Variants in BTAF1 observed in about 807,000 individuals in gnomAD.
BTAF1 encodes the protein B-TFIID TATA-box binding protein associated factor 1.
BTAF1 carries 38 observed loss-of-function variants against 227.1 expected under a neutral mutation model. The observed-to-expected ratio is 0.17, with a 90% CI of 0.13 to 0.22. The LOEUF (loss-of-function observed/expected upper bound fraction) is 0.22, where lower values mean the gene tolerates loss of function less well. BTAF1 is among the 10% of genes least tolerant of loss of function. BTAF1 has a pLI of 1.00. For missense variants in BTAF1, 1,598 were observed against 2,204.0 expected (o/e 0.73, Z 5.51); for synonymous variants, 742 against 751.9 (o/e 0.99, Z 0.21).
chr10:92,025,091 C>A, intron 35 of BTAF1, 124 bp downstream of exon 35: 2 of 786,924 alleles, frequency 2.5e-6, no homozygotes, highest in Non-Finnish European at 4.0e-6. Context: ...GTGTAATTCA[C>A]CCCAAATAAA....
At chr10:91,925,158 G>C (rs1843741296) in intron 1 of BTAF1, among the ~76,000 whole-genome samples, 1 of 152,060 alleles carries the variant, frequency 6.6e-6, no homozygotes, top group African/African-American at 2.4e-5. Context: ...TGGGTGAAGG[G>C]GGTTGCTAGG....
At chr10:92,017,832 A>G (rs1387541918) in intron 33 of BTAF1, among the ~76,000 whole-genome samples, 3 of 152,166 alleles carry the variant, frequency 2.0e-5, no homozygotes, top group African/African-American at 4.8e-5. Flanking sequence ...TTTTAATCCT[A>G]GTGCTCAGCA....
intron 20 of BTAF1, among the ~76,000 whole-genome samples, chr10:91,991,781 G>A (rs1371670950): frequency 7.7e-5 from 5 of 65,040 alleles, no homozygotes; most frequent in Admixed American, 1.2e-4. Flanking sequence ...ATATATGTGT[G>A]TGTGTGTGTG....
chr10:91,963,163 A>G (rs1846642813), intron 12 of BTAF1, among the ~76,000 whole-genome samples: 1 of 151,940 alleles, frequency 6.6e-6, no homozygotes, highest in Non-Finnish European at 1.5e-5. Flanking sequence ...GCCAGAGTGC[A>G]GTGGATGACA....
In BTAF1 at chr10:91,997,923, A is replaced by C. The variant is rs111405494; in HGVS notation, c.3660+172A>C. Among the ~76,000 whole-genome samples, 1,054 of 152,286 alleles carry C rather than the reference A, an allele frequency of 6.9e-3. 11 individuals carry two copies. Among genetic ancestry groups the C allele is most frequent in the African/African-American group, 0.024 (994 of 41,560 alleles). On this transcript the variant is annotated intron_variant, in intron 25 of 37. Transcript: ENST00000265990. ...CAGGAGTTTGAGTCCAGCCTGGCCA[A>C]CATGGGTGAAACCCTGTCTCTACTA... is the stretch of plus-strand genomic sequence containing the variant.
In BTAF1 at chr10:91,999,262, AAAT is replaced by A. The variant is rs1849343445; in HGVS notation, c.3660+1515_3660+1517del. On this transcript the variant is annotated intron_variant, in intron 25 of 37. Transcript: ENST00000265990. ...GTATCATTTGACATTCCTACCAGCA[AAAT>A]AATGAGTTATAAATAGGATAGCCTC... Among the ~76,000 whole-genome samples, 3 of 152,310 alleles carry A rather than the reference AAAT, an allele frequency of 2.0e-5. No individual in the cohort carries two copies. The South Asian group carries it at 6.2e-4, about 32-fold the overall frequency.
At chr10:91,940,825 C>T (rs1364439083) in intron 3 of BTAF1, among the ~76,000 whole-genome samples, 1 of 152,092 alleles carries the variant, frequency 6.6e-6, no homozygotes, top group African/African-American at 2.4e-5. Flanking sequence ...GCTGCGATTA[C>T]AGTTGTGCAC....
At chr10:91,994,712 G>C in intron 23 of BTAF1, 68 bp downstream of exon 23, 3 of 1,336,556 alleles carry the variant, frequency 2.2e-6, no homozygotes, top group Non-Finnish European at 3.2e-6. Context: ...AAGTCTTAAG[G>C]TTTGAAAGGT....
chr10:91,945,756 A>G (rs917861557), intron 4 of BTAF1, among the ~76,000 whole-genome samples: 1 of 152,228 alleles, frequency 6.6e-6, no homozygotes, highest in African/African-American at 2.4e-5. Flanking sequence ...GGATGTACAG[A>G]TATCTGTTTG....
At chr10:91,974,486 T>C (rs563565920) in intron 14 of BTAF1, among the ~76,000 whole-genome samples, 4 of 152,222 alleles carry the variant, frequency 2.6e-5, no homozygotes. Flanking sequence ...TCAGTGTGCC[T>C]TCTTCTGTGA....
chr10:91,996,262 T>TA, intron 23 of BTAF1, 107 bp from the exon 24 acceptor site: 1 of 866,186 alleles, frequency 1.2e-6, no homozygotes, highest in Non-Finnish European at 1.8e-6. Context: ...GAGATATTTT[T>TA]AGAGTCACTT....
At chr10:92,017,019 A>T (rs1025627192) in intron 33 of BTAF1, among the ~76,000 whole-genome samples, 1 of 152,196 alleles carries the variant, frequency 6.6e-6, no homozygotes, top group South Asian at 2.1e-4. Context: ...TTGCTTTTTT[A>T]TTCAAAAAAT....
At chr10:91,994,037 G>C (rs1465855773) in intron 22 of BTAF1, among the ~76,000 whole-genome samples, 190 bp downstream of exon 22, 3 of 152,140 alleles carry the variant, frequency 2.0e-5, no homozygotes, top group Non-Finnish European at 4.4e-5. Flanking sequence ...ATTTGGGTTG[G>C]GCATGGTGGC....
At chr10:91,996,304 AT>A in intron 23 of BTAF1, 64 bp from the exon 24 acceptor site, 1 of 1,439,228 alleles carries the variant, frequency 6.9e-7, no homozygotes. Context: ...AGTATGGGCT[AT>A]TATAGTTACA....
chr10:91,934,162 G>T (rs1844442588), intron 1 of BTAF1, among the ~76,000 whole-genome samples: 1 of 152,164 alleles, frequency 6.6e-6, no homozygotes, highest in African/African-American at 2.4e-5. Context: ...GAAATTAACT[G>T]TGTTGTATTA....
chr10:91,979,973 G>T (rs997269615), intron 14 of BTAF1, among the ~76,000 whole-genome samples: 2 of 152,154 alleles, frequency 1.3e-5, no homozygotes, highest in African/African-American at 2.4e-5. Context: ...CCTTAATTTT[G>T]TAGTGAACTC....
intron 2 of BTAF1, among the ~76,000 whole-genome samples, chr10:91,939,508 G>A (rs1844854224): frequency 6.6e-6 from 1 of 152,038 alleles, no homozygotes; most frequent in South Asian, 2.1e-4. Context: ...GCGCCATCTC[G>A]GCTCACTGCA....
At chr10:92,020,770 A>T (rs1036588218) in intron 34 of BTAF1, among the ~76,000 whole-genome samples, 1 of 152,214 alleles carries the variant, frequency 6.6e-6, no homozygotes, top group Non-Finnish European at 1.5e-5. Flanking sequence ...ATATTAGGTA[A>T]AGCTGTAAGA....
intron 3 of BTAF1, 70 bp from the exon 4 acceptor site, chr10:91,942,352 T>G: frequency 8.2e-7 from 1 of 1,222,518 alleles, no homozygotes; most frequent in Non-Finnish European, 1.2e-6. Context: ...ACCCAAGTAA[T>G]GATATGCTAT....
Sources: allele counts gnomAD v4.1 joint callset (sites outside exome capture counted in the v4.1 genomes callset), GRCh38; gene constraint gnomAD v4.1.1; transcripts MANE v1.5; gene names NCBI Gene and HGNC (gene_info 2026-07-23, HGNC 2026-07-21).